RPRD2: variants seen among roughly 807,000 people sequenced by gnomAD.
The protein encoded by RPRD2 is regulation of nuclear pre-mRNA domain-containing protein 2.
In RPRD2, 12 loss-of-function variants were observed where a neutral mutation model predicts 104.4. That is an observed-to-expected ratio of 0.11 (90% CI 0.07 to 0.19). The LOEUF (loss-of-function observed/expected upper bound fraction) is 0.19, where lower values mean the gene tolerates loss of function less well. Ranked by LOEUF, RPRD2 falls within the 10% of genes least tolerant of loss-of-function variation. RPRD2 has a pLI of 1.00. For missense variants in RPRD2, 1,543 were observed against 1,790.1 expected, an observed-to-expected ratio of 0.86 and a Z score of 2.49; for synonymous variants, 714 against 684.9, an observed-to-expected ratio of 1.04 and a Z score of -0.66.
In RPRD2 at chr1:150,470,844, A is replaced by C; in HGVS notation, c.1896A>C (p.Thr632=). 1.2e-6 allele frequency: 2 copies of C among 1,613,972 alleles called. No individual in the cohort carries two copies. The highest frequency in any genetic ancestry group is 1.7e-6 in the Non-Finnish European group (2 of 1,179,890). ...TACCTTCCAACTCTTTGGGGTTTAC[A>C]GCTACCCACAATACTAGCCCTGCTG... is the stretch of plus-strand genomic sequence containing the variant. The part of the protein sequence containing the change: ...FKLPSNSLGF[T]ATHNTSPAAP... The change falls in exon 11 of 11, where the codon ACA becomes ACC. Residue 632 remains threonine (T), a synonymous_variant. Transcript: ENST00000369068.
chr1:150,447,264 T>A (rs896030698), intron 7 of RPRD2, among the ~76,000 whole-genome samples: 10 of 151,950 alleles, frequency 6.6e-5, no homozygotes, highest in Non-Finnish European at 1.5e-4. Flanking sequence ...CCTTACTTTT[T>A]TTCTTAACCA....
At chr1:150,375,182 A>G (rs782380147) in intron 1 of RPRD2, among the ~76,000 whole-genome samples, 10 of 152,120 alleles carry the variant, frequency 6.6e-5, no homozygotes, top group Admixed American at 5.2e-4. Flanking sequence ...AGCAGTTGTT[A>G]TCTTCTTCCT....
chr1:150,374,094 G>T (rs1292062072), intron 1 of RPRD2, among the ~76,000 whole-genome samples: 1 of 152,194 alleles, frequency 6.6e-6, no homozygotes, highest in Non-Finnish European at 1.5e-5. Flanking sequence ...AATAAGGCAG[G>T]ACTAGAGGTT....
At chr1:150,444,615 T>C (rs1666635466) in intron 6 of RPRD2, among the ~76,000 whole-genome samples, 1 of 152,224 alleles carries the variant, frequency 6.6e-6, no homozygotes, top group Non-Finnish European at 1.5e-5. Flanking sequence ...TTCACATGTA[T>C]GGTTAATTGG....
At chr1:150,408,574 T>G (rs1371739289) in intron 1 of RPRD2, among the ~76,000 whole-genome samples, 1 of 152,194 alleles carries the variant, frequency 6.6e-6, no homozygotes, top group East Asian at 1.9e-4. Flanking sequence ...GACATGTACT[T>G]ATCATCCATA....
chr1:150,370,319 A>T (rs1660205028), intron 1 of RPRD2, among the ~76,000 whole-genome samples: 1 of 152,192 alleles, frequency 6.6e-6, no homozygotes, highest in Non-Finnish European at 1.5e-5. Context: ...GACACTTTGC[A>T]AAGTACTTAA....
At chr1:150,447,807 A>T (rs1666889245) in intron 7 of RPRD2, among the ~76,000 whole-genome samples, 1 of 152,202 alleles carries the variant, frequency 6.6e-6, no homozygotes, top group African/African-American at 2.4e-5. Context: ...TACTTCGTAG[A>T]AGCAATCCCT....
chr1:150,373,116 C>T (rs76109198), intron 1 of RPRD2, among the ~76,000 whole-genome samples: 2 of 151,686 alleles, frequency 1.3e-5, no homozygotes, highest in Non-Finnish European at 2.9e-5. Flanking sequence ...CGGGTTCAAG[C>T]GATTCTCCTG....
At chr1:150,434,586 C>T (rs1665867734) in intron 2 of RPRD2, among the ~76,000 whole-genome samples, 2 of 151,936 alleles carry the variant, frequency 1.3e-5, no homozygotes, top group East Asian at 1.9e-4. Context: ...GAGGCCGAGG[C>T]GGGTGGATCA....
At chr1:150,437,995 A>G (rs1479237810) in intron 2 of RPRD2, among the ~76,000 whole-genome samples, 3 of 151,202 alleles carry the variant, frequency 2.0e-5, no homozygotes, top group African/African-American at 7.3e-5. Flanking sequence ...AAAAAAAAAA[A>G]AAGTTGAGCC....
intron 2 of RPRD2, among the ~76,000 whole-genome samples, chr1:150,432,189 A>AGG (rs1665648087): frequency 6.6e-6 from 1 of 150,712 alleles, no homozygotes; most frequent in Non-Finnish European, 1.5e-5. Flanking sequence ...AAAAAAAAAA[A>AGG]AAAGAAAGAA....
At chr1:150,390,976 A>G (rs1417144121) in intron 1 of RPRD2, among the ~76,000 whole-genome samples, 3 of 152,210 alleles carry the variant, frequency 2.0e-5, no homozygotes, top group Non-Finnish European at 4.4e-5. Context: ...GAAGAATATC[A>G]AAGTCAAAGA....
At chr1:150,401,140 G>A (rs1337752039) in intron 1 of RPRD2, among the ~76,000 whole-genome samples, 1 of 151,980 alleles carries the variant, frequency 6.6e-6, no homozygotes, top group Non-Finnish European at 1.5e-5. Flanking sequence ...TCACGCCACT[G>A]CACTCCAACC....
intron 1 of RPRD2, among the ~76,000 whole-genome samples, chr1:150,394,787 G>A (rs782732555): frequency 4.3e-4 from 66 of 152,006 alleles, no homozygotes; most frequent in Non-Finnish European, 8.5e-4. Context: ...TCACCATGTT[G>A]CCCAGGCTGG....
intron 1 of RPRD2, among the ~76,000 whole-genome samples, chr1:150,389,836 AG>A (rs1661926883): frequency 6.6e-6 from 1 of 152,200 alleles, no homozygotes; most frequent in African/African-American, 2.4e-5. Context: ...CAGCTGAAAC[AG>A]GAGCAGTGAG....
chr1:150,427,886 A>G (rs1368638914), intron 2 of RPRD2, among the ~76,000 whole-genome samples: 1 of 152,222 alleles, frequency 6.6e-6, no homozygotes, highest in Non-Finnish European at 1.5e-5. Context: ...CACTGTACAC[A>G]GAAATATATT....
At chr1:150,461,324 G>A (rs924502127) in intron 9 of RPRD2, among the ~76,000 whole-genome samples, 18 of 152,140 alleles carry the variant, frequency 1.2e-4, no homozygotes, top group South Asian at 6.2e-4. Flanking sequence ...AAAAGTATAT[G>A]TGTATATGAA....
intron 7 of RPRD2, among the ~76,000 whole-genome samples, chr1:150,456,408 C>T (rs1553897583): frequency 6.6e-6 from 1 of 152,108 alleles, no homozygotes; most frequent in African/African-American, 2.4e-5. Flanking sequence ...GCATGCTTGA[C>T]AGATGATATA....
At chr1:150,386,227 G>T (rs1416913499) in intron 1 of RPRD2, among the ~76,000 whole-genome samples, 1 of 152,066 alleles carries the variant, frequency 6.6e-6, no homozygotes, top group Non-Finnish European at 1.5e-5. Flanking sequence ...TCCCACCTTG[G>T]CCTCCCATCG....
Sources: allele counts gnomAD v4.1 joint callset (sites outside exome capture counted in the v4.1 genomes callset), GRCh38; gene constraint gnomAD v4.1.1; transcripts MANE v1.5; gene names NCBI Gene and HGNC (gene_info 2026-07-23, HGNC 2026-07-21).